The following CLIP2 variants were observed in gnomAD, a reference collection of about 807,000 sequenced individuals.
CLIP2 encodes CAP-Gly domain containing linker protein 2, also known as CAP-Gly domain-containing linker protein 2.
In CLIP2, 41 loss-of-function variants were observed where a neutral mutation model predicts 111.7. The observed-to-expected ratio is 0.37, with a 90% CI of 0.29 to 0.48. The LOEUF is 0.48. Among genes scored for constraint, CLIP2 ranks in the 20% least tolerant of loss-of-function variants. The probability of loss-of-function intolerance (pLI) is 0.99; values close to 1 mark genes in which losing one functional copy is unlikely to be tolerated. For missense variants in CLIP2, 1,160 were observed against 1,422.1 expected (o/e 0.82, Z 2.96); for synonymous variants, 660 against 644.2 (o/e 1.02, Z -0.37).
At chr7:74,392,252 G>A (rs1791310504) in intron 13 of CLIP2, among the ~76,000 whole-genome samples, 1 of 151,886 alleles carries the variant, frequency 6.6e-6, no homozygotes, top group Non-Finnish European at 1.5e-5. Context: ...TGGGGAGGCT[G>A]AGGCAGGAGA....
rs192041476 is a variant in CLIP2, at chr7:74,308,544, G to A, written c.-67-8936G>A. Among the ~76,000 whole-genome samples the A allele has an allele frequency of 8.7e-4, 132 of 152,138 alleles. 1 individual carries two copies. Among genetic ancestry groups the A allele is most frequent in the Admixed American group, 7.9e-4 (12 of 15,244 alleles). ...TTTTGAGATGGAGTCTCGCTTTGTT[G>A]CCCAGGCTGGAGCATGGTGGTGCGA... On this transcript the variant is annotated intron_variant, in intron 1 of 16. Coordinates refer to ENST00000223398, the MANE Select transcript of CLIP2 (RefSeq NM_003388.5).
At position 74,349,508 on chromosome 7, in the gene CLIP2, A is replaced by G. The variant is rs1446409149; in HGVS notation, c.679-4372A>G. 7.3e-5 allele frequency among the ~76,000 whole-genome samples: 10 copies of G among 136,712 alleles called. No individual in the cohort carries two copies. In the South Asian group the frequency reaches 1.4e-3, roughly 19 times the overall value. 89.7% of individuals were successfully genotyped at this position (136,712 alleles called of 152,430 possible). On this transcript the variant is annotated intron_variant, in intron 3 of 16. Coordinates refer to ENST00000223398, the MANE Select transcript of CLIP2 (RefSeq NM_003388.5). ...TATATATATATATATATATATATAT[A>G]TATGTAAATAAAAATTAAAAATCAG...
Position 74,376,846 on chromosome 7 carries a change from G to T in CLIP2, c.2421+24G>T, listed in dbSNP as rs1554313103. On this transcript the variant is annotated intron_variant, in intron 10 of 16. Coordinates refer to ENST00000223398, the MANE Select transcript of CLIP2 (RefSeq NM_003388.5). This position sits in a 1 kb window ranked among gnomAD's most constrained non-coding sequence, Gnocchi z 7.1. ...ACGTAGGCGCCTGCCCCTCCTGCTG[G>T]GGCGGGAGGGTCGGGCTGGGGAGGG... The T allele has an allele frequency of 6.5e-7, 1 of 1,533,346 alleles. No homozygotes were observed. The highest frequency in any genetic ancestry group is 2.4e-5 in the East Asian group (1 of 42,468). The allele number at this position is 1,533,346 out of a possible 1,614,324, so 95.0% of individuals were successfully genotyped here.
chr7:74,381,069 T>G, intron 11 of CLIP2: 3 of 416,600 alleles, frequency 7.2e-6, no homozygotes, highest in Non-Finnish European at 1.3e-5. Flanking sequence ...GTTGCTGTCT[T>G]TTTTTTCTTT....
intron 2 of CLIP2, among the ~76,000 whole-genome samples, chr7:74,327,120 TGA>T (rs1217773898): frequency 6.6e-6 from 1 of 152,248 alleles, no homozygotes; most frequent in African/African-American, 2.4e-5. Context: ...TTTTGTTTTT[TGA>T]GAGAGAGTCT....
rs1790075036 is a variant in CLIP2, at chr7:74,353,827, C to T, written c.679-53C>T. On this transcript the variant is annotated intron_variant, in intron 3 of 16. Transcript: ENST00000223398. ...AGCCTGGGCTGGGTGCCCCTGCCATCTCTGCCTGTGCCACTGCATCCTCTA... is the reference window on the plus strand; with the variant it reads ...AGCCTGGGCTGGGTGCCCCTGCCATTTCTGCCTGTGCCACTGCATCCTCTA... The T allele has an allele frequency of 2.0e-5, 32 of 1,613,472 alleles. 1 individual carries two copies. The South Asian group carries it at 3.5e-4, about 18-fold the overall frequency.
intron 7 of CLIP2, 123 bp from the exon 8 acceptor site, chr7:74,364,132 G>C (rs1039107539): frequency 5.4e-5 from 44 of 812,474 alleles, no homozygotes; most frequent in Middle Eastern, 4.6e-4. Context: ...GGGACATTTT[G>C]ATGGCCTCGC....
chr7:74,316,903 C>T (rs1351667132), intron 1 of CLIP2, among the ~76,000 whole-genome samples: 8 of 151,498 alleles, frequency 5.3e-5, no homozygotes, highest in South Asian at 2.1e-4. Context: ...ATGCAGCTCA[C>T]GCTTTGAAAA....
At chr7:74,296,452 G>T (rs1788170812) in intron 1 of CLIP2, among the ~76,000 whole-genome samples, 1 of 151,774 alleles carries the variant, frequency 6.6e-6, no homozygotes, top group Non-Finnish European at 1.5e-5. Flanking sequence ...AGAGGCTGCA[G>T]TGAGCTGGGA....
intron 11 of CLIP2, 174 bp from the exon 12 acceptor site, chr7:74,386,347 G>A (rs1584383569): frequency 1.9e-6 from 1 of 537,470 alleles, no homozygotes; most frequent in South Asian, 2.2e-5. Context: ...GCCAGTGTCA[G>A]GTCCTCTTCT....
intron 2 of CLIP2, among the ~76,000 whole-genome samples, chr7:74,318,607 G>C (rs1788854952): frequency 6.6e-6 from 1 of 152,074 alleles, no homozygotes; most frequent in African/African-American, 2.4e-5. Context: ...CAGCTACTTG[G>C]GAGGCTAAGG....
In CLIP2 at chr7:74,317,512, C is replaced by A; in HGVS notation, c.-35C>A. 1 of 1,381,490 alleles carries A rather than the reference C, an allele frequency of 7.2e-7. No individual in the cohort carries two copies. The highest frequency in any genetic ancestry group is 1.9e-5 in the South Asian group (1 of 53,494). The allele number at this position is 1,381,490 out of a possible 1,614,324, so 85.6% of individuals were successfully genotyped here. A position where few individuals can be genotyped will look rare whatever the true frequency, so the allele number is the denominator to read the frequency against. On this transcript the variant is annotated 5_prime_UTR_variant, in exon 2 of 17. Coordinates refer to ENST00000223398, the MANE Select transcript of CLIP2 (RefSeq NM_003388.5). ...AAGATGGCAGAGAGGACGTGACCAGCACTCACCCTTGTCCACCTGCCCAGT... is the reference window on the plus strand; with the variant it reads ...AAGATGGCAGAGAGGACGTGACCAGAACTCACCCTTGTCCACCTGCCCAGT...
At chr7:74,401,232 G>C (rs1156977744) in intron 15 of CLIP2, among the ~76,000 whole-genome samples, 1 of 152,208 alleles carries the variant, frequency 6.6e-6, no homozygotes, top group African/African-American at 2.4e-5. Flanking sequence ...AGGCAGCTCT[G>C]TCCTGGGAAC....
At chr7:74,396,602 C>A (rs1791454612) in intron 13 of CLIP2, among the ~76,000 whole-genome samples, 1 of 152,138 alleles carries the variant, frequency 6.6e-6, no homozygotes, top group African/African-American at 2.4e-5. Flanking sequence ...CTCACTGCAA[C>A]CTCCACCTTC....
chr7:74,339,212 G>C (rs1417317384), intron 3 of CLIP2, among the ~76,000 whole-genome samples: 1 of 152,206 alleles, frequency 6.6e-6, no homozygotes, highest in African/African-American at 2.4e-5. Flanking sequence ...GACTGTTGCT[G>C]TGTGACCTTG....
At position 74,299,925 on chromosome 7, in the gene CLIP2, G is replaced by A. The variant is rs540891632; in HGVS notation, c.-68+10191G>A. On this transcript the variant is annotated intron_variant, in intron 1 of 16. Transcript: ENST00000223398. ...TTGGTTAGGCTGGTCTCGAACTCCT[G>A]ATCTCAGGTGATCCACCTGCCTTGG... 2.9e-3 allele frequency among the ~76,000 whole-genome samples: 445 copies of A among 152,094 alleles called. 2 individuals carry two copies. Among genetic ancestry groups the A allele is most frequent in the Non-Finnish European group, 3.9e-3 (262 of 68,014 alleles).
Position 74,376,328 on chromosome 7 carries a change from C to A in CLIP2, c.1927C>A (p.Gln643Lys). 2 of 1,613,902 alleles carry A rather than the reference C, an allele frequency of 1.2e-6. No individual in the cohort carries two copies. The highest frequency in any genetic ancestry group is 1.7e-6 in the Non-Finnish European group (2 of 1,180,008). ...ATLNSGPGAQ[Q>K]KEIGELKAVM... ...CCTGAACTCGGGCCCAGGCGCCCAG[C>A]AGAAGGAGATCGGCGAGCTGAAGGC... Residue 643 changes from glutamine to lysine, a missense_variant, in exon 10 of 17, where the codon CAG becomes AAG. By Grantham distance (53) the Gln-to-Lys change is moderately conservative. Around this residue, in one of 5 missense-constraint regions of CLIP2, gnomAD observed 676 missense variants for 777.8 expected, o/e 0.87. Transcript: ENST00000223398. The surrounding 1 kb of genome is among the most constrained non-coding windows in gnomAD (Gnocchi z 7.1).
intron 2 of CLIP2, among the ~76,000 whole-genome samples, chr7:74,318,516 C>T (rs1460093982): frequency 6.6e-6 from 1 of 152,058 alleles, no homozygotes; most frequent in Non-Finnish European, 1.5e-5. Flanking sequence ...AGTTCAAGAC[C>T]AGCCTGGGCA....
At chr7:74,335,887 C>T (rs539714045) in intron 2 of CLIP2, among the ~76,000 whole-genome samples, 136 of 151,546 alleles carry the variant, frequency 9.0e-4, no homozygotes, top group Non-Finnish European at 1.5e-3. Flanking sequence ...CGACTACAGG[C>T]GCCCACCACC....
Sources: gnomAD v4.1 joint callset for allele counts (sites outside exome capture counted in the v4.1 genomes callset) on GRCh38, gnomAD v4.1.1 for gene constraint, gnomAD v4.1.1 regional missense constraint, Gnocchi (gnomAD v3.1) non-coding constraint, MANE v1.5 for transcripts, NCBI Gene and HGNC (gene_info 2026-07-23, HGNC 2026-07-21) for gene names.